CNTN4: variants seen among roughly 807,000 people sequenced by gnomAD.
CNTN4 encodes the protein contactin 4.
Under a neutral mutation model 122.5 loss-of-function variants are expected in CNTN4, and 77 were observed. That is an observed-to-expected ratio of 0.63 (90% CI 0.52 to 0.76). The LOEUF is 0.76. CNTN4 is among the 30% of genes least tolerant of loss of function. The probability of loss-of-function intolerance (pLI) is 0.00; values close to 1 mark genes in which losing one functional copy is unlikely to be tolerated. For missense variants in CNTN4, 1,256 were observed against 1,259.1 expected (o/e 1.00, Z 0.04); for synonymous variants, 512 against 447.0 (o/e 1.15, Z -1.83).
At chr3:2,188,195 C>T (rs1384117833) in intron 2 of CNTN4, among the ~76,000 whole-genome samples, 2 of 152,084 alleles carry the variant, frequency 1.3e-5, no homozygotes, top group Admixed American at 1.3e-4. Flanking sequence ...CACTTGAGAT[C>T]CTTGTTCCTC....
chr3:2,181,622 C>G (rs1385837587), intron 2 of CNTN4, among the ~76,000 whole-genome samples: 1 of 152,054 alleles, frequency 6.6e-6, no homozygotes, highest in South Asian at 2.1e-4. Context: ...ATTTTAAATA[C>G]AAGGGCTGTT....
chr3:2,153,906 C>T (rs17008446), intron 2 of CNTN4, among the ~76,000 whole-genome samples: 5,159 of 152,092 alleles, frequency 0.034, 202 homozygotes, highest in East Asian at 0.17. Flanking sequence ...GCTTAAGGAA[C>T]TTAAAAAAGT....
intron 2 of CNTN4, among the ~76,000 whole-genome samples, chr3:2,198,421 T>C (rs2149375456): frequency 6.6e-6 from 1 of 152,288 alleles, no homozygotes; most frequent in Middle Eastern, 3.4e-3. Context: ...ACTGAAAGTA[T>C]TTGTATCATG....
intron 2 of CNTN4, among the ~76,000 whole-genome samples, chr3:2,190,004 C>A (rs776129110): frequency 7.2e-5 from 11 of 152,144 alleles, no homozygotes; most frequent in Non-Finnish European, 1.6e-4. Flanking sequence ...TGAACAAGTG[C>A]TGTGAGACTC....
At chr3:2,359,283 A>G (rs6785626) in intron 3 of CNTN4, among the ~76,000 whole-genome samples, 85,726 of 151,700 alleles carry the variant, frequency 0.57, 25,197 homozygotes, top group East Asian at 0.86. Context: ...AGAGAACCGC[A>G]TACAGCTATG....
intron 6 of CNTN4, among the ~76,000 whole-genome samples, chr3:2,781,716 ATTTTT>A (rs59896254): frequency 3.4e-4 from 29 of 85,938 alleles, no homozygotes; most frequent in African/African-American, 1.4e-3. Context: ...CTTTGGGTAA[ATTTTT>A]TTTTTTTTTT....
At chr3:2,990,735 TG>T (rs1694979363) in intron 14 of CNTN4, among the ~76,000 whole-genome samples, 1 of 152,226 alleles carries the variant, frequency 6.6e-6, no homozygotes, top group Non-Finnish European at 1.5e-5. Context: ...CTCATTTTTG[TG>T]TGGTTATAAA....
intron 14 of CNTN4, among the ~76,000 whole-genome samples, chr3:2,998,337 C>A (rs532635630): frequency 6.6e-6 from 1 of 152,266 alleles, no homozygotes; most frequent in Admixed American, 6.5e-5. Context: ...GAGCCGTAGA[C>A]CACAAGCATC....
chr3:2,720,341 A>G (rs551291299), intron 4 of CNTN4, among the ~76,000 whole-genome samples: 1 of 152,300 alleles, frequency 6.6e-6, no homozygotes, highest in Non-Finnish European at 1.5e-5. Flanking sequence ...CCCTCTTTCC[A>G]GCCCTGTCTG....
chr3:2,893,175 A>T (rs533353709), intron 10 of CNTN4, among the ~76,000 whole-genome samples: 1 of 152,348 alleles, frequency 6.6e-6, no homozygotes, highest in East Asian at 1.9e-4. Flanking sequence ...ATGTAAGACT[A>T]AATGTCTAGA....
At chr3:2,491,807 C>T (rs757500036) in intron 3 of CNTN4, among the ~76,000 whole-genome samples, 1 of 152,154 alleles carries the variant, frequency 6.6e-6, no homozygotes, top group Non-Finnish European at 1.5e-5. Context: ...TCGACATTTT[C>T]TCGAATCTTC....
chr3:2,285,867 ATTC>A (rs2041881774), intron 2 of CNTN4, among the ~76,000 whole-genome samples: 1 of 152,156 alleles, frequency 6.6e-6, no homozygotes, highest in Admixed American at 6.5e-5. Flanking sequence ...AGAAAATATT[ATTC>A]TTCATTATAC....
chr3:2,291,543 A>G (rs1324526276), intron 2 of CNTN4, among the ~76,000 whole-genome samples: 1 of 152,140 alleles, frequency 6.6e-6, no homozygotes, highest in Non-Finnish European at 1.5e-5. Flanking sequence ...TATTGAATGC[A>G]TGCTAGCTTT....
intron 4 of CNTN4, among the ~76,000 whole-genome samples, chr3:2,735,350 C>T (rs947958826): frequency 1.3e-5 from 2 of 152,174 alleles, no homozygotes; most frequent in Non-Finnish European, 2.9e-5. Context: ...CATGTGTACT[C>T]GACACTGCCA....
At chr3:2,522,749 G>A (rs1486638788) in intron 3 of CNTN4, among the ~76,000 whole-genome samples, 1 of 151,790 alleles carries the variant, frequency 6.6e-6, no homozygotes, top group Non-Finnish European at 1.5e-5. Context: ...CAGTCTTGGT[G>A]GTCCACAGAT....
In CNTN4 at chr3:2,670,648, G is replaced by T. The variant is rs189077410; in HGVS notation, c.56-65567G>T. Among the ~76,000 whole-genome samples the T allele has an allele frequency of 1.1e-3, 163 of 152,284 alleles. 3 individuals carry two copies. The highest frequency in any genetic ancestry group is 8.8e-3 in the Admixed American group (135 of 15,298). On this transcript the variant is annotated intron_variant, in intron 4 of 24. Coordinates refer to ENST00000418658, the MANE Select transcript of CNTN4 (RefSeq NM_175607.3). Reference sequence around the variant, plus strand: ...TGATCCTGTCATTATGATGTTAGCTGGTTAGTTTGCTCAGTAGTTGATGCA... The same window carrying T: ...TGATCCTGTCATTATGATGTTAGCTTGTTAGTTTGCTCAGTAGTTGATGCA...
At chr3:2,546,314 A>G (rs2078243302) in intron 3 of CNTN4, among the ~76,000 whole-genome samples, 1 of 145,102 alleles carries the variant, frequency 6.9e-6, no homozygotes, top group Admixed American at 7.2e-5. Flanking sequence ...ACAATAGAAT[A>G]CTATGCAGCC....
intron 14 of CNTN4, 141 bp downstream of exon 14, chr3:2,988,613 T>G (rs1407114722): frequency 9.4e-6 from 8 of 849,218 alleles, no homozygotes; most frequent in Non-Finnish European, 1.3e-5. Flanking sequence ...GCAAACATGA[T>G]ATGATTAATA....
chr3:2,490,473 T>C (rs2076285406), intron 3 of CNTN4, among the ~76,000 whole-genome samples: 1 of 152,186 alleles, frequency 6.6e-6, no homozygotes, highest in Non-Finnish European at 1.5e-5. Flanking sequence ...AATTTGTTTT[T>C]CCTCATAAGC....
Sources: allele counts gnomAD v4.1 joint callset (sites outside exome capture counted in the v4.1 genomes callset), GRCh38; gene constraint gnomAD v4.1.1; transcripts MANE v1.5; gene names NCBI Gene and HGNC (gene_info 2026-07-23, HGNC 2026-07-21).